AFF3: variants seen among roughly 807,000 people sequenced by gnomAD.
AFF3 encodes the protein AF4/FMR2 family member 3.
AFF3 carries 32 observed loss-of-function variants against 129.7 expected under a neutral mutation model. The ratio of observed to expected loss-of-function variants is 0.25; its 90% confidence interval spans 0.19 to 0.33. AFF3 has a LOEUF of 0.33. AFF3 is among the 10% of genes least tolerant of loss of function. The pLI, the probability that AFF3 is intolerant of heterozygous loss-of-function variation, is 1.00. For synonymous variants in AFF3, 644 were observed against 635.4 expected (o/e 1.01, Z -0.20); for missense variants, 1,373 against 1,592.0 (o/e 0.86, Z 2.34).
At chr2:100,047,469 A>G (rs1685928989) in intron 4 of AFF3, among the ~76,000 whole-genome samples, 1 of 152,238 alleles carries the variant, frequency 6.6e-6, no homozygotes, top group Non-Finnish European at 1.5e-5. Flanking sequence ...AAGGCACAAC[A>G]CAGACCCCGT....
chr2:99,997,964 C>T lies in AFF3; in HGVS notation c.873+8668G>A, dbSNP rs188855411. Among the ~76,000 whole-genome samples, 561 of 152,252 alleles carry T rather than the reference C, an allele frequency of 3.7e-3. 5 individuals are homozygous for T. The highest frequency in any genetic ancestry group is 0.013 in the African/African-American group (530 of 41,550). On this transcript the variant is annotated intron_variant, in intron 7 of 24. Transcript: ENST00000672756. ...CCACCCTCCACCCCCATGGGCATCC[C>T]CAGCCCTCTTTCCCCTGCTCTGCTT...
intron 11 of AFF3, among the ~76,000 whole-genome samples, chr2:99,710,670 G>C: frequency 6.6e-6 from 1 of 152,146 alleles, no homozygotes; most frequent in East Asian, 1.9e-4. Context: ...GACACAAAAA[G>C]GTGAGTGCCT....
At chr2:99,572,071 G>A (rs1676521264) in intron 18 of AFF3, among the ~76,000 whole-genome samples, 1 of 151,882 alleles carries the variant, frequency 6.6e-6, no homozygotes, top group African/African-American at 2.4e-5. Context: ...CCACAGTGAT[G>A]GTATTTTATG....
At chr2:99,979,333 A>G (rs1005373807) in intron 7 of AFF3, among the ~76,000 whole-genome samples, 3 of 152,086 alleles carry the variant, frequency 2.0e-5, no homozygotes, top group Admixed American at 6.6e-5. Flanking sequence ...GAAAAGGGGT[A>G]AGAAGGCTGA....
chr2:99,864,627 C>T (rs955491280), intron 7 of AFF3, among the ~76,000 whole-genome samples: 1 of 152,162 alleles, frequency 6.6e-6, no homozygotes, highest in African/African-American at 2.4e-5. Flanking sequence ...ATTCCAGATA[C>T]TAGAAACACT....
intron 7 of AFF3, among the ~76,000 whole-genome samples, chr2:99,904,098 TA>T (rs1558962132): frequency 6.6e-6 from 1 of 152,136 alleles, no homozygotes; most frequent in East Asian, 1.9e-4. Context: ...AACTGGAAAC[TA>T]GATACGTCAT....
chr2:99,551,798 A>G (rs764188027), intron 24 of AFF3, among the ~76,000 whole-genome samples: 3 of 152,238 alleles, frequency 2.0e-5, no homozygotes, highest in South Asian at 2.1e-4. Context: ...TAAATACATG[A>G]TATCTGCCAT....
intron 13 of AFF3, among the ~76,000 whole-genome samples, chr2:99,603,947 C>T (rs35481245): frequency 0.36 from 54,730 of 151,988 alleles, 9,807 homozygotes; most frequent in African/African-American, 0.39. Flanking sequence ...ACCAGTCAGA[C>T]TGGCTATTAC....
chr2:99,954,569 G>C (rs1428441531), intron 7 of AFF3, among the ~76,000 whole-genome samples: 1 of 151,968 alleles, frequency 6.6e-6, no homozygotes, highest in African/African-American at 2.4e-5. Flanking sequence ...TATACACCAT[G>C]GAATACTATG....
At chr2:99,814,741 T>C (rs745336005) in intron 8 of AFF3, among the ~76,000 whole-genome samples, 4 of 151,248 alleles carry the variant, frequency 2.6e-5, no homozygotes, top group Admixed American at 6.6e-5. Context: ...GGGGCAACCA[T>C]GTCCCTCCAC....
intron 4 of AFF3, among the ~76,000 whole-genome samples, chr2:100,074,788 C>T (rs370099464): frequency 2.6e-5 from 4 of 152,242 alleles, no homozygotes; most frequent in African/African-American, 9.6e-5. Context: ...ATGGACAAAG[C>T]CCCAGCCGAG....
chr2:99,971,873 T>C (rs1467481081), intron 7 of AFF3, among the ~76,000 whole-genome samples: 1 of 152,118 alleles, frequency 6.6e-6, no homozygotes, highest in African/African-American at 2.4e-5. Flanking sequence ...GAAAGCTTTA[T>C]GGCAGAAAAA....
intron 8 of AFF3, among the ~76,000 whole-genome samples, chr2:99,786,659 C>T (rs953529705): frequency 2.0e-5 from 3 of 151,910 alleles, no homozygotes; most frequent in African/African-American, 4.8e-5. Flanking sequence ...GGTTTTATGC[C>T]GTAGTGCTAT....
At chr2:99,820,926 C>T (rs1322556899) in intron 8 of AFF3, among the ~76,000 whole-genome samples, 2 of 133,582 alleles carry the variant, frequency 1.5e-5, no homozygotes, top group East Asian at 2.3e-4. Flanking sequence ...AGACTGGAGT[C>T]CAGTGGCGCA....
chr2:100,050,338 G>T (rs1429204945), intron 4 of AFF3, among the ~76,000 whole-genome samples: 4 of 151,834 alleles, frequency 2.6e-5, no homozygotes, highest in African/African-American at 9.7e-5. Flanking sequence ...TTTATTTTTG[G>T]GATAGGGTCT....
chr2:100,068,256 G>C (rs1301669074), intron 4 of AFF3, among the ~76,000 whole-genome samples: 1 of 152,178 alleles, frequency 6.6e-6, no homozygotes, highest in Non-Finnish European at 1.5e-5. Context: ...TAAACAGGGA[G>C]CAAGTGTCCT....
chr2:99,965,738 T>C lies in AFF3; in HGVS notation c.873+40894A>G, dbSNP rs542816053. Among the ~76,000 whole-genome samples, 4 of 152,318 alleles carry C rather than the reference T, an allele frequency of 2.6e-5. No homozygotes were observed. In the South Asian group the frequency reaches 8.3e-4, roughly 32 times the overall value. On this transcript the variant is annotated intron_variant, in intron 7 of 24. Transcript: ENST00000672756. ...AGCCTTCTGAGCCCAAGGCCCAGCC[T>C]ATGGGCTGTGAGAAATTCACCACTG...
chr2:99,898,472 C>A (rs1048659601), intron 7 of AFF3, among the ~76,000 whole-genome samples: 1 of 152,172 alleles, frequency 6.6e-6, no homozygotes, highest in Non-Finnish European at 1.5e-5. Flanking sequence ...AAGCCCATCG[C>A]CTAGGAGAAG....
rs542500231 is a variant in AFF3, at chr2:99,881,590, G to A, written c.874-44066C>T. On this transcript the variant is annotated intron_variant, in intron 7 of 24. Coordinates refer to ENST00000672756, the MANE Select transcript of AFF3 (RefSeq NM_001386135.1). The stretch of plus-strand genomic sequence containing the variant: ...TACTATGGGATTGGTGATTTGAAAA[G>A]AAAAAAAAAATCGCATTTTAAAATG... 1.1e-4 allele frequency among the ~76,000 whole-genome samples: 17 copies of A among 149,144 alleles called. No homozygotes were observed. The East Asian group carries it at 3.3e-3, about 29-fold the overall frequency.
Sources: allele counts gnomAD v4.1 joint callset (sites outside exome capture counted in the v4.1 genomes callset), GRCh38; gene constraint gnomAD v4.1.1; transcripts MANE v1.5; gene names NCBI Gene and HGNC (gene_info 2026-07-23, HGNC 2026-07-21).